XKRX: variants seen among roughly 807,000 people sequenced by gnomAD.
The protein encoded by XKRX is XK-related protein 2.
A neutral mutation model predicts 22.4 loss-of-function variants in XKRX; 11 were observed. That is an observed-to-expected ratio of 0.49 (90% CI 0.31 to 0.81). The LOEUF is 0.81. Ranked by LOEUF, XKRX falls within the 40% of genes least tolerant of loss-of-function variation. The pLI is 0.05. For missense variants in XKRX, 320 were observed against 336.5 expected, an observed-to-expected ratio of 0.95 and a Z score of 0.38; for synonymous variants, 114 against 132.2, an observed-to-expected ratio of 0.86 and a Z score of 0.94.
chrX:100,950,682 T>C, the XKRX span, among the ~76,000 whole-genome samples: 1 of 112,139 alleles, frequency 8.9e-6, no homozygotes, highest in African/African-American at 3.2e-5. Flanking sequence ...TTAAAAGAAC[T>C]AAAGCCATAG....
chrX:100,942,634 C>T, the XKRX span, among the ~76,000 whole-genome samples: 1 of 111,883 alleles, frequency 8.9e-6, no homozygotes, highest in Admixed American at 9.5e-5. Flanking sequence ...TTTGATCCAA[C>T]TACTATGCCA....
chrX:100,957,032 C>T, the XKRX span: 3 of 1,107,432 alleles, frequency 2.7e-6, no homozygotes, highest in Non-Finnish European at 3.7e-6. Context: ...ATTTCTCAGC[C>T]GAATTCCTTA....
At chrX:100,943,854 G>A in the XKRX span, among the ~76,000 whole-genome samples, 10 of 111,703 alleles carry the variant, frequency 9.0e-5, no homozygotes, top group South Asian at 7.5e-4. Flanking sequence ...GTTGCTTTTC[G>A]TTTCTTACTG....
chrX:100,908,670 G>A (rs1225432081), downstream of XKRX, among the ~76,000 whole-genome samples: 13 of 111,531 alleles, frequency 1.2e-4, no homozygotes, highest in Admixed American at 1.2e-3. Flanking sequence ...AGAGAACAAG[G>A]GTTCCCACTC....
intron 2 of XKRX, among the ~76,000 whole-genome samples, chrX:100,918,494 G>A (rs1326472694): frequency 1.8e-5 from 2 of 111,868 alleles, no homozygotes; most frequent in Non-Finnish European, 3.8e-5. Context: ...TCCAATAAAT[G>A]TCAAAACATT....
upstream of XKRX, among the ~76,000 whole-genome samples, chrX:100,933,827 A>T (rs1283607436): frequency 1.8e-5 from 2 of 111,796 alleles, no homozygotes; most frequent in African/African-American, 6.5e-5. Flanking sequence ...GTGGAAGAGA[A>T]GGGTCAGGGA....
chrX:100,894,516 T>C, the XKRX span, among the ~76,000 whole-genome samples: 1 of 111,582 alleles, frequency 9.0e-6, no homozygotes, highest in Non-Finnish European at 1.9e-5. Flanking sequence ...CATAGCTCAT[T>C]GCAGCCTCCA....
the XKRX span, among the ~76,000 whole-genome samples, chrX:100,950,874 G>A: frequency 2.0e-3 from 221 of 111,514 alleles, no homozygotes; most frequent in Non-Finnish European, 3.7e-3. Flanking sequence ...ATATCAAAAT[G>A]TACGGAATGC....
rs756009416 is a variant in XKRX, at chrX:100,914,505, T to C, written c.1183A>G (p.Ile395Val). 2 of 1,211,486 alleles carry C rather than the reference T, an allele frequency of 1.7e-6. No individual in the cohort carries two copies. The highest frequency in any genetic ancestry group is 2.2e-6 in the Non-Finnish European group (2 of 895,443). ...LQLIIAYLIS[I>V]GFMLLFFQYL... The stretch of plus-strand genomic sequence containing the variant: ...TGGAAGAAAAGGAGCATGAAGCCAA[T>C]GGAAATCAGATAAGCAATAATGAGC... The change falls in exon 3 of 3, where the codon ATT becomes GTT. Residue 395 changes from isoleucine to valine, a missense_variant. Physicochemically the swap from Ile to Val is conservative, Grantham distance 29. Transcript: ENST00000372956.
At chrX:100,888,232 C>T in the XKRX span, 3 of 905,513 alleles carry the variant, frequency 3.3e-6, no homozygotes, top group African/African-American at 5.8e-5. Flanking sequence ...AATCTCTTAG[C>T]TGATGTTTTT....
At position 100,915,088 on chromosome X, in the gene XKRX, TAAAAACAAAAAC is replaced by T. The variant is rs57280405; in HGVS notation, c.605-17_605-6del. The T allele has an allele frequency of 2.7e-5, 32 of 1,198,521 alleles. No individual in the cohort carries two copies. Among genetic ancestry groups the T allele is most frequent in the South Asian group, 1.4e-4 (8 of 55,602 alleles). On this transcript the variant is annotated splice_region_variant and splice_polypyrimidine_tract_variant and intron_variant, in intron 2 of 2. Coordinates refer to ENST00000372956, the MANE Select transcript of XKRX (RefSeq NM_212559.3). ...GGGAAAATACCATTAGCACAACTGT[TAAAAACAAAAAC>T]AAAAACAAAAACAGGCAATCAGTCA...
the XKRX span, chrX:100,957,577 A>G: frequency 8.3e-6 from 7 of 840,262 alleles, no homozygotes; most frequent in Non-Finnish European, 1.0e-5. Context: ...ACCGCAAACC[A>G]GCACTATTTA....
At chrX:100,922,043 C>G (rs2085475803) in intron 2 of XKRX, among the ~76,000 whole-genome samples, 1 of 109,143 alleles carries the variant, frequency 9.2e-6, no homozygotes, top group South Asian at 4.0e-4. Flanking sequence ...TCATGTTAGC[C>G]AGGATGGTCT....
chrX:100,944,564 T>C, the XKRX span, among the ~76,000 whole-genome samples: 3 of 111,858 alleles, frequency 2.7e-5, no homozygotes, highest in Non-Finnish European at 1.9e-5. Flanking sequence ...GGTTTCACCA[T>C]GTTGGCCAGG....
chrX:100,900,788 CTTT>C, the XKRX span, among the ~76,000 whole-genome samples: 2 of 89,264 alleles, frequency 2.2e-5, no homozygotes, highest in Non-Finnish European at 2.2e-5. Flanking sequence ...TCACAATCTC[CTTT>C]TTTTTTTTTT....
At chrX:100,900,947 G>A in the XKRX span, among the ~76,000 whole-genome samples, 18,493 of 108,119 alleles carry the variant, frequency 0.17, 1,210 homozygotes, top group Non-Finnish European at 0.19. Flanking sequence ...CCACCACCAC[G>A]CCTGGCTAAT....
chrX:100,930,321 T>TG (rs1296816043), upstream of XKRX, among the ~76,000 whole-genome samples: 2,172 of 100,916 alleles, frequency 0.022, 62 homozygotes, highest in African/African-American at 0.076. Flanking sequence ...ATAATAATAA[T>TG]AATAATGATG....
the XKRX span, among the ~76,000 whole-genome samples, chrX:100,903,654 G>C: frequency 4.5e-5 from 5 of 112,054 alleles, no homozygotes; most frequent in East Asian, 1.4e-3. Context: ...TAACAGGTGT[G>C]TAGTAGTATC....
At chrX:100,947,303 T>C in the XKRX span, among the ~76,000 whole-genome samples, 1 of 112,030 alleles carries the variant, frequency 8.9e-6, no homozygotes, top group Non-Finnish European at 1.9e-5. Flanking sequence ...AACAGGTCTT[T>C]CCCCCAATTA....
Sources: allele counts gnomAD v4.1 joint callset (sites outside exome capture counted in the v4.1 genomes callset), GRCh38; gene constraint gnomAD v4.1.1; transcripts MANE v1.5; gene names NCBI Gene and HGNC (gene_info 2026-07-23, HGNC 2026-07-21).